Variants in NGEF observed in about 807,000 individuals in gnomAD.
The protein encoded by NGEF is neuronal guanine nucleotide exchange factor.
NGEF carries 31 observed loss-of-function variants against 80.9 expected under a neutral mutation model. The ratio of observed to expected loss-of-function variants is 0.38; its 90% CI spans 0.29 to 0.52. The LOEUF (loss-of-function observed/expected upper bound fraction) is 0.52, where lower values mean the gene tolerates loss of function less well. Ranked by LOEUF, NGEF falls within the 20% of genes least tolerant of loss-of-function variation. NGEF has a pLI of 0.84. For synonymous variants in NGEF, 371 were observed against 370.2 expected, an observed-to-expected ratio of 1.00 and a Z score of -0.03; for missense variants, 709 against 926.2, an observed-to-expected ratio of 0.77 and a Z score of 3.04.
At chr2:232,964,952 G>T (rs1421687250) in intron 3 of NGEF, among the ~76,000 whole-genome samples, 4 of 152,238 alleles carry the variant, frequency 2.6e-5, no homozygotes, top group Admixed American at 2.6e-4. Flanking sequence ...TGGTCCAGTT[G>T]ATGGTCAAGG....
chr2:232,887,185 C>T (rs1332543774), intron 9 of NGEF, among the ~76,000 whole-genome samples: 1 of 152,224 alleles, frequency 6.6e-6, no homozygotes, highest in African/African-American at 2.4e-5. Flanking sequence ...TCCACCATGA[C>T]GGCGTCACTG....
intron 5 of NGEF, among the ~76,000 whole-genome samples, chr2:232,919,498 A>G (rs1276594105): frequency 6.6e-6 from 1 of 151,988 alleles, no homozygotes; most frequent in Non-Finnish European, 1.5e-5. Context: ...ACAAACTTGC[A>G]TATTCACAAT....
chr2:232,975,026 G>C, intron 1 of NGEF, 62 bp from the exon 2 acceptor site: 1 of 808,826 alleles, frequency 1.2e-6, no homozygotes, highest in Non-Finnish European at 1.9e-6. Flanking sequence ...TATTCAGACT[G>C]TGGAACTCCA....
intron 3 of NGEF, among the ~76,000 whole-genome samples, chr2:232,938,012 G>A (rs1190537071): frequency 6.6e-6 from 1 of 152,138 alleles, no homozygotes; most frequent in African/African-American, 2.4e-5. Flanking sequence ...GTTAACTAGG[G>A]AAAAGGCCAG....
At chr2:232,905,073 C>G (rs537471431) in intron 5 of NGEF, among the ~76,000 whole-genome samples, 1 of 151,518 alleles carries the variant, frequency 6.6e-6, no homozygotes, top group East Asian at 1.9e-4. Context: ...TCTCTCCTCT[C>G]CCCTCTCCCC....
chr2:232,929,766 T>C (rs1348712947), intron 3 of NGEF, among the ~76,000 whole-genome samples: 4 of 152,172 alleles, frequency 2.6e-5, no homozygotes, highest in Non-Finnish European at 4.4e-5. Flanking sequence ...CAAAATACCA[T>C]AGACTGGGTG....
intron 3 of NGEF, among the ~76,000 whole-genome samples, chr2:232,941,660 C>A (rs1693440095): frequency 6.6e-6 from 1 of 152,106 alleles, no homozygotes; most frequent in South Asian, 2.1e-4. Context: ...CTTTAAGAAA[C>A]AACATCAATC....
At chr2:232,880,936 G>A (rs979269946) in intron 14 of NGEF, among the ~76,000 whole-genome samples, 3 of 152,236 alleles carry the variant, frequency 2.0e-5, no homozygotes, top group African/African-American at 7.2e-5. Context: ...GGGGAGGACA[G>A]GGAGGCACTG....
chr2:232,988,102 C>T (rs997429613), intron 1 of NGEF, among the ~76,000 whole-genome samples: 1 of 147,136 alleles, frequency 6.8e-6, no homozygotes, highest in Admixed American at 6.9e-5. Flanking sequence ...TCTCAAAGAC[C>T]CCAGAGGGAT....
At chr2:232,921,532 G>C (rs1054950615) in intron 4 of NGEF, among the ~76,000 whole-genome samples, 1 of 152,160 alleles carries the variant, frequency 6.6e-6, no homozygotes, top group African/African-American at 2.4e-5. Context: ...GCTCACTGCA[G>C]CCTCCATCTC....
intron 3 of NGEF, chr2:232,928,010 G>T (rs984188019): frequency 1.9e-5 from 23 of 1,220,062 alleles, no homozygotes; most frequent in Admixed American, 4.4e-5. Flanking sequence ...AGGGTCGGCG[G>T]CGGGGCGGGT....
chr2:232,985,538 G>C (rs961164845), intron 1 of NGEF, among the ~76,000 whole-genome samples: 1 of 151,020 alleles, frequency 6.6e-6, no homozygotes, highest in Non-Finnish European at 1.5e-5. Context: ...GGATCACGAG[G>C]TCAGCAGATC....
chr2:232,980,539 CCTAGGCTGGCGT>C (rs2106327506), intron 1 of NGEF, among the ~76,000 whole-genome samples: 1 of 152,084 alleles, frequency 6.6e-6, no homozygotes, highest in East Asian at 1.9e-4. Context: ...TGCTCTGTCG[CCTAGGCTGGCGT>C]GCAGTGGCGC....
At chr2:232,966,335 C>T in intron 3 of NGEF, among the ~76,000 whole-genome samples, 1 of 152,224 alleles carries the variant, frequency 6.6e-6, no homozygotes, top group Non-Finnish European at 1.5e-5. Context: ...AATCAGTTCA[C>T]AGCTGGCTCT....
chr2:232,986,769 C>G (rs1396273222), intron 1 of NGEF, among the ~76,000 whole-genome samples: 1 of 152,156 alleles, frequency 6.6e-6, no homozygotes, highest in Non-Finnish European at 1.5e-5. Flanking sequence ...TGAACAAGTT[C>G]TGGGGATCTA....
intron 5 of NGEF, among the ~76,000 whole-genome samples, chr2:232,906,990 C>G (rs1358386130): frequency 6.6e-6 from 1 of 150,576 alleles, no homozygotes; most frequent in East Asian, 2.0e-4. Context: ...GCAGCATGCT[C>G]GTTAAGAGTC....
At chr2:232,994,899 A>G (rs569463580) in intron 1 of NGEF, among the ~76,000 whole-genome samples, 2 of 149,074 alleles carry the variant, frequency 1.3e-5, no homozygotes, top group Non-Finnish European at 3.0e-5. Context: ...TGCATATAAT[A>G]CATACATACA....
At chr2:232,983,062 C>T (rs1190167442) in intron 1 of NGEF, among the ~76,000 whole-genome samples, 1 of 152,220 alleles carries the variant, frequency 6.6e-6, no homozygotes, top group African/African-American at 2.4e-5. Context: ...AGACAGCTGT[C>T]ACCCTGCCCT....
chr2:232,905,398 T>G (rs1160373527), intron 5 of NGEF, among the ~76,000 whole-genome samples: 1 of 152,144 alleles, frequency 6.6e-6, no homozygotes, highest in Admixed American at 6.5e-5. Flanking sequence ...TCTCGTTAAC[T>G]CAGTGCTCAA....
Sources: gnomAD v4.1 joint callset for allele counts (sites outside exome capture counted in the v4.1 genomes callset) on GRCh38, gnomAD v4.1.1 for gene constraint, MANE v1.5 for transcripts, NCBI Gene and HGNC (gene_info 2026-07-23, HGNC 2026-07-21) for gene names.